RNLS: variants seen among roughly 807,000 people sequenced by gnomAD.
RNLS encodes renalase.
RNLS carries 39 observed loss-of-function variants against 39.8 expected under a neutral mutation model. The observed-to-expected ratio is 0.98, with a 90% CI of 0.76 to 1.28. RNLS has a LOEUF of 1.28. RNLS is among the 50% of genes most tolerant of loss of function. The pLI is 0.00. For synonymous variants in RNLS, 147 were observed against 150.7 expected (o/e 0.98, Z 0.18); for missense variants, 410 against 413.3 (o/e 0.99, Z 0.07).
chr10:88,492,292 T>C (rs1187589856), intron 4 of RNLS, among the ~76,000 whole-genome samples: 2 of 152,116 alleles, frequency 1.3e-5, no homozygotes, highest in African/African-American at 4.8e-5. Flanking sequence ...TTAGTCCTCT[T>C]AAGAAACATC....
At chr10:88,384,185 A>ATCAG (rs1233721373) in intron 4 of RNLS, among the ~76,000 whole-genome samples, 2 of 152,204 alleles carry the variant, frequency 1.3e-5, no homozygotes, top group Admixed American at 1.3e-4. Flanking sequence ...CCAATCCCTG[A>ATCAG]CATAGACTAT....
At chr10:88,324,327 C>A (rs1034431661) in intron 5 of RNLS, among the ~76,000 whole-genome samples, 1 of 149,276 alleles carries the variant, frequency 6.7e-6, no homozygotes, top group Admixed American at 6.8e-5. Flanking sequence ...GTCAGGGAAT[C>A]AAGCTAAGTG....
chr10:88,324,634 T>G (rs1265170228), intron 5 of RNLS, among the ~76,000 whole-genome samples: 1 of 152,236 alleles, frequency 6.6e-6, no homozygotes, highest in Admixed American at 6.5e-5. Flanking sequence ...ATTTGGGTAA[T>G]GGGTTTACTA....
intron 4 of RNLS, among the ~76,000 whole-genome samples, chr10:88,450,527 A>G (rs1421112309): frequency 6.6e-6 from 1 of 152,154 alleles, no homozygotes. Flanking sequence ...AGGCCATAAA[A>G]CCGGAAGTCA....
At chr10:88,391,863 T>A (rs977897378) in intron 4 of RNLS, among the ~76,000 whole-genome samples, 11 of 152,216 alleles carry the variant, frequency 7.2e-5, no homozygotes, top group African/African-American at 2.4e-4. Flanking sequence ...ACTCTGCTCT[T>A]TTCTCATTCT....
At chr10:88,498,341 G>C (rs1030981602) in intron 4 of RNLS, among the ~76,000 whole-genome samples, 1 of 151,390 alleles carries the variant, frequency 6.6e-6, no homozygotes, top group Non-Finnish European at 1.5e-5. Flanking sequence ...GGGCAACTTT[G>C]GATTAAAACT....
chr10:88,342,304 C>A (rs548438330), intron 5 of RNLS, among the ~76,000 whole-genome samples: 1 of 152,176 alleles, frequency 6.6e-6, no homozygotes, highest in Non-Finnish European at 1.5e-5. Context: ...CTATTCATCA[C>A]CCTGGTTAAT....
chr10:88,191,407 TC>T, the RNLS span, among the ~76,000 whole-genome samples: 5,437 of 152,276 alleles, frequency 0.036, 303 homozygotes, highest in African/African-American at 0.12. Flanking sequence ...TTAATTTTTT[TC>T]ATTGACAAAT....
chr10:88,347,466 T>C (rs1848385726), intron 5 of RNLS, among the ~76,000 whole-genome samples: 1 of 152,134 alleles, frequency 6.6e-6, no homozygotes, highest in Non-Finnish European at 1.5e-5. Context: ...AATAAGGTTA[T>C]CAAATAGATG....
chr10:88,269,985 C>T (rs891646147), downstream of RNLS, among the ~76,000 whole-genome samples: 1 of 152,134 alleles, frequency 6.6e-6, no homozygotes, highest in Admixed American at 6.5e-5. Context: ...GTAGCTGGGA[C>T]TCCAGGCGTG....
At chr10:88,362,788 AAT>A (rs1849744110) in intron 4 of RNLS, 63 bp from the exon 5 acceptor site, 2 of 1,495,564 alleles carry the variant, frequency 1.3e-6, no homozygotes, top group Admixed American at 4.1e-5. Context: ...TAGCACATCA[AAT>A]ATAAAATTCC....
chr10:88,580,641 A>C (rs1272788908), intron 3 of RNLS, among the ~76,000 whole-genome samples: 1 of 152,184 alleles, frequency 6.6e-6, no homozygotes, highest in Non-Finnish European at 1.5e-5. Flanking sequence ...CATAAAATAT[A>C]TAAGGAACAA....
chr10:88,519,186 A>G (rs1328681824), intron 4 of RNLS, among the ~76,000 whole-genome samples: 2 of 152,000 alleles, frequency 1.3e-5, no homozygotes, highest in Non-Finnish European at 2.9e-5. Flanking sequence ...TTGAACTGCT[A>G]TTCTTTTCTA....
chr10:88,447,989 C>T (rs1762623222), intron 4 of RNLS, among the ~76,000 whole-genome samples: 1 of 152,160 alleles, frequency 6.6e-6, no homozygotes, highest in Non-Finnish European at 1.5e-5. Context: ...TTTCCTTACA[C>T]CTTATACAAA....
At chr10:88,417,807 G>A (rs368805553) in intron 4 of RNLS, among the ~76,000 whole-genome samples, 64 of 152,152 alleles carry the variant, frequency 4.2e-4, no homozygotes, top group African/African-American at 1.1e-3. Flanking sequence ...AATCTTTACC[G>A]TTTTGGCTTT....
chr10:88,491,045 G>A (rs2134064486), intron 4 of RNLS, among the ~76,000 whole-genome samples: 1 of 152,156 alleles, frequency 6.6e-6, no homozygotes, highest in South Asian at 2.1e-4. Context: ...CAGATTGAGG[G>A]GCTTAGAAAA....
intron 4 of RNLS, among the ~76,000 whole-genome samples, chr10:88,435,057 G>A (rs1338423819): frequency 1.3e-5 from 2 of 151,926 alleles, no homozygotes; most frequent in Non-Finnish European, 2.9e-5. Context: ...GGACAGAGCA[G>A]TTAAAAATGT....
intron 4 of RNLS, among the ~76,000 whole-genome samples, chr10:88,399,365 C>T (rs1365737128): frequency 6.6e-6 from 1 of 151,894 alleles, no homozygotes; most frequent in Admixed American, 6.6e-5. Flanking sequence ...TTTATAATAG[C>T]CAAAAAGTTG....
At chr10:88,421,365 A>T (rs1276063799) in intron 4 of RNLS, among the ~76,000 whole-genome samples, 1 of 152,216 alleles carries the variant, frequency 6.6e-6, no homozygotes, top group Non-Finnish European at 1.5e-5. Flanking sequence ...TAATCAGACT[A>T]GCAAACGCTA....
Sources: allele counts gnomAD v4.1 joint callset (sites outside exome capture counted in the v4.1 genomes callset), GRCh38; gene constraint gnomAD v4.1.1; transcripts MANE v1.5; gene names NCBI Gene and HGNC (gene_info 2026-07-23, HGNC 2026-07-21).